The following GLP2R variants were observed in gnomAD, a reference collection of about 807,000 sequenced individuals.
GLP2R encodes glucagon like peptide 2 receptor, also known as glucagon-like peptide 2 receptor.
In GLP2R, 59 loss-of-function variants were observed where a neutral mutation model predicts 68.2. The observed-to-expected ratio is 0.87, with a 90% CI of 0.70 to 1.07. GLP2R has a LOEUF of 1.07. Ranked by LOEUF, GLP2R falls within the 50% of genes least tolerant of loss-of-function variation. The pLI is 0.00. For missense variants in GLP2R, 548 were observed against 677.4 expected (o/e 0.81, Z 2.12); for synonymous variants, 270 against 265.4 (o/e 1.02, Z -0.17).
At chr17:9,832,929 C>A (rs1227775265) in intron 1 of GLP2R, among the ~76,000 whole-genome samples, 1 of 152,060 alleles carries the variant, frequency 6.6e-6, no homozygotes, top group East Asian at 1.9e-4. Flanking sequence ...CTCTCAGACA[C>A]TTCTCTTTGT....
intron 4 of GLP2R, among the ~76,000 whole-genome samples, chr17:9,852,399 A>G (rs568097117): frequency 6.6e-6 from 1 of 152,116 alleles, no homozygotes; most frequent in African/African-American, 2.4e-5. Context: ...AAGGACATGA[A>G]CTCATTCTTT....
chr17:9,879,243 G>A (rs1352049214), intron 10 of GLP2R, among the ~76,000 whole-genome samples: 3 of 134,100 alleles, frequency 2.2e-5, no homozygotes, highest in Non-Finnish European at 4.9e-5. Flanking sequence ...AACAACATAA[G>A]ATCCCCTCTC....
chr17:9,873,616 A>G (rs1368329430), intron 10 of GLP2R, among the ~76,000 whole-genome samples: 1 of 88,568 alleles, frequency 1.1e-5, no homozygotes, highest in Admixed American at 1.5e-4. Flanking sequence ...TTTATTTTAC[A>G]TGGGGCCCAG....
At chr17:9,850,525 T>C (rs1049072284) in intron 4 of GLP2R, among the ~76,000 whole-genome samples, 1 of 152,136 alleles carries the variant, frequency 6.6e-6, no homozygotes, top group Admixed American at 6.5e-5. Context: ...CTGGCAAGAT[T>C]TGGTATGTTT....
chr17:9,828,559 CTCTGAGAAGAGTG>C (rs1278355106), intron 1 of GLP2R, among the ~76,000 whole-genome samples: 1 of 152,172 alleles, frequency 6.6e-6, no homozygotes, highest in Non-Finnish European at 1.5e-5. Context: ...CAACACAAGC[CTCTGAGAAGAGTG>C]TTATTACTGA....
At chr17:9,873,838 G>A (rs2067120189) in intron 10 of GLP2R, among the ~76,000 whole-genome samples, 1 of 152,164 alleles carries the variant, frequency 6.6e-6, no homozygotes, top group South Asian at 2.1e-4. Context: ...GGTGGCCAAC[G>A]AAAATGGCAG....
Position 9,857,537 on chromosome 17 carries a change from G to T in GLP2R, c.726G>T (p.Arg242Ser). 1 of 1,614,164 alleles carries T rather than the reference G, an allele frequency of 6.2e-7. No individual in the cohort carries two copies. Among genetic ancestry groups the T allele is most frequent in the Non-Finnish European group, 8.5e-7 (1 of 1,180,032 alleles). Residue 242 changes from arginine (R) to serine (S), a missense_variant, in exon 6 of 13, where the codon AGG becomes AGT. Transcript: ENST00000262441. ...DVVFYNSYSK[R>S]PDNENGWMSY... ...TCTTCTACAACTCTTACTCCAAGAGGCCTGACAATGAGAATGGGTGGATGT... is the reference window on the plus strand; with the variant it reads ...TCTTCTACAACTCTTACTCCAAGAGTCCTGACAATGAGAATGGGTGGATGT...
chr17:9,860,839 C>T (rs1294428021), intron 7 of GLP2R, among the ~76,000 whole-genome samples: 1 of 152,162 alleles, frequency 6.6e-6, no homozygotes, highest in Admixed American at 6.5e-5. Flanking sequence ...CTACAGGATT[C>T]AGAGGAAATA....
chr17:9,852,893 A>C (rs754673505), intron 4 of GLP2R: 3 of 455,560 alleles, frequency 6.6e-6, no homozygotes, highest in Non-Finnish European at 1.2e-5. Context: ...CCAGGGGCAG[A>C]TTACTTTCCA....
At chr17:9,849,607 C>CTTTTTTTTTTTTT (rs57795068) in intron 4 of GLP2R, among the ~76,000 whole-genome samples, 55 of 87,118 alleles carry the variant, frequency 6.3e-4, no homozygotes, top group Non-Finnish European at 7.2e-4. Flanking sequence ...TTTTCTCTTT[C>CTTTTTTTTTTTTT]TTTTTTTTTT....
intron 11 of GLP2R, among the ~76,000 whole-genome samples, chr17:9,887,489 T>C (rs1003123057): frequency 1.9e-4 from 29 of 152,308 alleles, no homozygotes; most frequent in African/African-American, 6.5e-4. Flanking sequence ...GTTGAGCCAC[T>C]GCACTCTAGC....
chr17:9,876,515 T>G (rs2067143660), intron 10 of GLP2R, among the ~76,000 whole-genome samples: 1 of 152,190 alleles, frequency 6.6e-6, no homozygotes, highest in Admixed American at 6.5e-5. Flanking sequence ...CAAAGCCTGT[T>G]TGTACAGATT....
At chr17:9,857,780 G>T (rs936798641) in intron 6 of GLP2R, among the ~76,000 whole-genome samples, 3 of 152,200 alleles carry the variant, frequency 2.0e-5, no homozygotes, top group African/African-American at 4.8e-5. Context: ...AAACAGAAGG[G>T]TTCACCATGG....
chr17:9,842,547 G>A lies in GLP2R; in HGVS notation c.435G>A (p.Thr145=), dbSNP rs145225948. Residue 145 remains threonine (T), a synonymous_variant, in exon 4 of 13, where the codon ACG becomes ACA. Coordinates refer to ENST00000262441, the MANE Select transcript of GLP2R (RefSeq NM_004246.3). The part of the protein sequence containing the change: ...RHCLAQGTWQ[T]IENATDIWQD... ...GCTTGGCTCAGGGGACTTGGCAGAC[G>A]ATAGAGAACGCCACGGATATTTGGC... The A allele has an allele frequency of 1.1e-5, 17 of 1,613,910 alleles. No individual in the cohort carries two copies. Among genetic ancestry groups the A allele is most frequent in the Admixed American group, 6.7e-5 (4 of 60,000 alleles).
chr17:9,828,780 G>A lies in GLP2R; in HGVS notation c.189+2528G>A, dbSNP rs151270178. Among the ~76,000 whole-genome samples the A allele has an allele frequency of 1.5e-3, 231 of 152,226 alleles. 2 individuals are homozygous for A. The highest frequency in any genetic ancestry group is 5.3e-3 in the African/African-American group (220 of 41,546). Reference sequence around the variant, plus strand: ...AGCGGAATCTGCAGAGCCTCGGGCCGGCTTACCAGGCTGAGAAAGCCACAC... The same window carrying A: ...AGCGGAATCTGCAGAGCCTCGGGCCAGCTTACCAGGCTGAGAAAGCCACAC... On this transcript the variant is annotated intron_variant, in intron 1 of 12. Coordinates refer to ENST00000262441, the MANE Select transcript of GLP2R (RefSeq NM_004246.3).
chr17:9,843,695 C>T (rs2066809587), intron 4 of GLP2R, among the ~76,000 whole-genome samples: 1 of 152,370 alleles, frequency 6.6e-6, no homozygotes, highest in Middle Eastern at 3.4e-3. Flanking sequence ...GTTTGTCCAA[C>T]ATCTGCTCAC....
chr17:9,871,989 C>T (rs1567734034), intron 10 of GLP2R, among the ~76,000 whole-genome samples: 1 of 152,152 alleles, frequency 6.6e-6, no homozygotes, highest in Admixed American at 6.5e-5. Context: ...TCCCAAAGTG[C>T]TGGGATTACA....
intron 1 of GLP2R, among the ~76,000 whole-genome samples, chr17:9,830,138 C>A (rs2066667287): frequency 6.6e-6 from 1 of 152,230 alleles, no homozygotes; most frequent in South Asian, 2.1e-4. Context: ...TTGTCCAGCT[C>A]TCCTAGACTG....
chr17:9,888,074 T>C (rs967046507), intron 12 of GLP2R, 101 bp downstream of exon 12: 7 of 851,110 alleles, frequency 8.2e-6, no homozygotes, highest in Non-Finnish European at 1.4e-5. Context: ...TACGGGAGAA[T>C]GTGCAGTGAC....
Sources: gnomAD v4.1 joint callset for allele counts (sites outside exome capture counted in the v4.1 genomes callset) on GRCh38, gnomAD v4.1.1 for gene constraint, MANE v1.5 for transcripts, NCBI Gene and HGNC (gene_info 2026-07-23, HGNC 2026-07-21) for gene names.